DLG2: variants seen among roughly 807,000 people sequenced by gnomAD.
DLG2 encodes discs large MAGUK scaffold protein 2.
Under a neutral mutation model 132.5 loss-of-function variants are expected in DLG2, and 45 were observed. The ratio of observed to expected loss-of-function variants is 0.34; its 90% CI spans 0.27 to 0.44. The LOEUF is 0.44. DLG2 is among the 20% of genes least tolerant of loss of function. The pLI is 1.00. For synonymous variants in DLG2, 424 were observed against 419.6 expected (o/e 1.01, Z -0.13); for missense variants, 1,045 against 1,196.9 (o/e 0.87, Z 1.87).
chr11:84,839,166 T>C (rs1223999100), intron 6 of DLG2, among the ~76,000 whole-genome samples: 1 of 152,092 alleles, frequency 6.6e-6, no homozygotes, highest in East Asian at 1.9e-4. Context: ...AAAATCAATG[T>C]GCAAAAATCG....
At chr11:84,537,476 T>G (rs2099358421) in intron 6 of DLG2, among the ~76,000 whole-genome samples, 1 of 152,224 alleles carries the variant, frequency 6.6e-6, no homozygotes. Flanking sequence ...CTATTGAGTC[T>G]CATTTTTAAG....
chr11:84,611,356 A>G (rs932879129), intron 6 of DLG2, among the ~76,000 whole-genome samples: 2 of 152,174 alleles, frequency 1.3e-5, no homozygotes, highest in African/African-American at 4.8e-5. Flanking sequence ...TTTACTAAGA[A>G]GAAAAGGAAG....
intron 4 of DLG2, among the ~76,000 whole-genome samples, chr11:85,206,915 T>C (rs1026731306): frequency 6.6e-6 from 1 of 152,112 alleles, no homozygotes; most frequent in African/African-American, 2.4e-5. Context: ...AAAAAAATCT[T>C]CAAAGATTCA....
intron 4 of DLG2, among the ~76,000 whole-genome samples, chr11:85,226,564 A>G (rs1026434779): frequency 1.3e-5 from 2 of 152,184 alleles, no homozygotes; most frequent in African/African-American, 4.8e-5. Context: ...AAAAAAGAAA[A>G]GAAAAAACAT....
chr11:84,982,276 G>A (rs947806068), intron 6 of DLG2, among the ~76,000 whole-genome samples: 2 of 151,982 alleles, frequency 1.3e-5, no homozygotes, highest in Non-Finnish European at 2.9e-5. Flanking sequence ...TCTCTACTTA[G>A]CTATCTTAAA....
At chr11:84,469,408 G>A (rs1031964290) in intron 7 of DLG2, among the ~76,000 whole-genome samples, 2 of 151,500 alleles carry the variant, frequency 1.3e-5, no homozygotes, top group South Asian at 2.1e-4. Flanking sequence ...TTATTTGTAT[G>A]GCCTTGGAAT....
intron 19 of DLG2, among the ~76,000 whole-genome samples, chr11:83,555,037 G>A (rs1320992394): frequency 6.6e-6 from 1 of 152,256 alleles, no homozygotes; most frequent in Non-Finnish European, 1.5e-5. Flanking sequence ...ATCCATGAGA[G>A]TATACAGTGG....
At chr11:83,673,341 C>A (rs1056722853) in intron 18 of DLG2, among the ~76,000 whole-genome samples, 5 of 152,076 alleles carry the variant, frequency 3.3e-5, no homozygotes, top group African/African-American at 1.2e-4. Context: ...AACATTTTGA[C>A]TGTGTTTTAT....
At chr11:83,712,948 A>G (rs536773401) in intron 18 of DLG2, among the ~76,000 whole-genome samples, 32 of 151,006 alleles carry the variant, frequency 2.1e-4, no homozygotes, top group South Asian at 4.2e-4. Flanking sequence ...CATCCTGCCC[A>G]TGTACCCCGG....
intron 6 of DLG2, among the ~76,000 whole-genome samples, chr11:84,808,409 C>T (rs1324648905): frequency 6.6e-6 from 1 of 151,704 alleles, no homozygotes; most frequent in Non-Finnish European, 1.5e-5. Context: ...AGTCTAAGCT[C>T]CCACCTAGGA....
intron 6 of DLG2, among the ~76,000 whole-genome samples, chr11:84,681,922 C>G (rs540481272): frequency 1.3e-5 from 2 of 152,014 alleles, no homozygotes; most frequent in African/African-American, 2.4e-5. Context: ...GTATCTGCTT[C>G]TAGTGAGGGC....
In DLG2 at chr11:85,155,594, G is replaced by A. The variant is rs529153335; in HGVS notation, c.187-943C>T. Among the ~76,000 whole-genome samples, 8 of 152,196 alleles carry A rather than the reference G, an allele frequency of 5.3e-5. No homozygotes were observed. The South Asian group carries it at 1.2e-3, about 24-fold the overall frequency. On this transcript the variant is annotated intron_variant, in intron 4 of 27. Transcript: ENST00000376104. ...ATAAGGATTCCTCACTTTAGGCCAGGCACAATGTCTCACACCTGTAATCTC... is the reference window on the plus strand; with the variant it reads ...ATAAGGATTCCTCACTTTAGGCCAGACACAATGTCTCACACCTGTAATCTC...
intron 6 of DLG2, among the ~76,000 whole-genome samples, chr11:84,715,371 T>C (rs1191692452): frequency 2.0e-5 from 3 of 152,088 alleles, no homozygotes; most frequent in African/African-American, 7.2e-5. Flanking sequence ...TCTGTGTGTG[T>C]GTATGTGTGT....
At chr11:84,862,510 C>T (rs2083873665) in intron 6 of DLG2, among the ~76,000 whole-genome samples, 1 of 152,114 alleles carries the variant, frequency 6.6e-6, no homozygotes, top group Admixed American at 6.5e-5. Flanking sequence ...ACAATAAAGA[C>T]ACATGCACAC....
intron 8 of DLG2, among the ~76,000 whole-genome samples, chr11:84,201,576 T>C (rs1235551921): frequency 3.1e-5 from 2 of 63,580 alleles, no homozygotes; most frequent in Non-Finnish European, 7.1e-5. Context: ...TGTCTGGTTC[T>C]GGGCTTTTTT....
At chr11:83,562,694 T>C (rs1312478961) in intron 19 of DLG2, among the ~76,000 whole-genome samples, 1 of 152,164 alleles carries the variant, frequency 6.6e-6, no homozygotes, top group African/African-American at 2.4e-5. Context: ...TTTCAGTATA[T>C]TGAAAAAATA....
At chr11:83,851,931 A>C (rs929822372) in intron 16 of DLG2, among the ~76,000 whole-genome samples, 5 of 152,036 alleles carry the variant, frequency 3.3e-5, no homozygotes, top group Non-Finnish European at 5.9e-5. Context: ...AAAAAAAAAA[A>C]AAAAAAAGAC....
chr11:85,436,491 G>A (rs2091486461), intron 3 of DLG2, among the ~76,000 whole-genome samples: 1 of 151,784 alleles, frequency 6.6e-6, no homozygotes, highest in South Asian at 2.1e-4. Context: ...CATTCAAAAG[G>A]GGGCAAAAGA....
At chr11:85,531,086 T>G (rs1028426857) in intron 3 of DLG2, among the ~76,000 whole-genome samples, 1 of 152,248 alleles carries the variant, frequency 6.6e-6, no homozygotes, top group Non-Finnish European at 1.5e-5. Flanking sequence ...ATACAATGTA[T>G]TCTTACATTA....
Sources: allele counts gnomAD v4.1 joint callset (sites outside exome capture counted in the v4.1 genomes callset), GRCh38; gene constraint gnomAD v4.1.1; transcripts MANE v1.5; gene names NCBI Gene and HGNC (gene_info 2026-07-23, HGNC 2026-07-21).